SPAG16: variants seen among roughly 807,000 people sequenced by gnomAD.
SPAG16 encodes the protein sperm associated antigen 16.
Under a neutral mutation model 80.4 loss-of-function variants are expected in SPAG16, and 86 were observed. The ratio of observed to expected loss-of-function variants is 1.07; its 90% CI spans 0.90 to 1.28. The LOEUF (loss-of-function observed/expected upper bound fraction) is 1.28, where lower values mean the gene tolerates loss of function less well. Ranked by LOEUF, SPAG16 falls within the 50% of genes most tolerant of loss-of-function variation. The pLI is 0.00. For missense variants in SPAG16, 870 were observed against 765.3 expected (o/e 1.14, Z -1.61); for synonymous variants, 294 against 265.9 (o/e 1.11, Z -1.03).
intron 10 of SPAG16, among the ~76,000 whole-genome samples, chr2:213,734,396 GAT>G (rs1226525258): frequency 6.6e-6 from 1 of 152,148 alleles, no homozygotes; most frequent in Non-Finnish European, 1.5e-5. Context: ...GACATTTCTT[GAT>G]AGTCACTATA....
intron 15 of SPAG16, among the ~76,000 whole-genome samples, chr2:214,173,435 C>G (rs1264024701): frequency 6.6e-6 from 1 of 152,006 alleles, no homozygotes; most frequent in African/African-American, 2.4e-5. Flanking sequence ...TCTGAGGGCT[C>G]TGTTCTGTTC....
chr2:214,408,897 AT>A (rs1702146747), intron 15 of SPAG16, among the ~76,000 whole-genome samples: 1 of 152,048 alleles, frequency 6.6e-6, no homozygotes, highest in South Asian at 2.1e-4. Flanking sequence ...TAGAGGAGGC[AT>A]TTTTTACATA....
chr2:213,818,157 A>G (rs901980002), intron 10 of SPAG16, among the ~76,000 whole-genome samples: 15 of 152,112 alleles, frequency 9.9e-5, no homozygotes, highest in Admixed American at 7.9e-4. Context: ...TAGGAATCTC[A>G]TCAAATTAGC....
intron 10 of SPAG16, among the ~76,000 whole-genome samples, chr2:213,819,918 G>A (rs1434780532): frequency 2.7e-5 from 4 of 149,994 alleles, no homozygotes; most frequent in Admixed American, 1.3e-4. Flanking sequence ...CACCACACCC[G>A]GCTAATTTTT....
At chr2:214,031,159 C>A (rs552347090) in intron 13 of SPAG16, among the ~76,000 whole-genome samples, 15 of 151,922 alleles carry the variant, frequency 9.9e-5, no homozygotes, top group Admixed American at 2.0e-4. Context: ...ACAGACAGAA[C>A]CCTCAGCTGC....
intron 15 of SPAG16, among the ~76,000 whole-genome samples, chr2:214,389,879 G>T (rs1280163538): frequency 6.6e-6 from 1 of 152,092 alleles, no homozygotes; most frequent in East Asian, 1.9e-4. Context: ...TTCAGTTAGG[G>T]CATTAGTCTG....
chr2:213,840,548 G>GA (rs111594070), intron 10 of SPAG16, among the ~76,000 whole-genome samples: 11 of 151,220 alleles, frequency 7.3e-5, no homozygotes, highest in South Asian at 2.1e-4. Flanking sequence ...AGTTTGGGAA[G>GA]AAAAAAAAAT....
chr2:214,347,103 G>C (rs1164054099), intron 15 of SPAG16, among the ~76,000 whole-genome samples: 1 of 152,260 alleles, frequency 6.6e-6, no homozygotes, highest in Non-Finnish European at 1.5e-5. Flanking sequence ...ATTGGTAAAG[G>C]CTCAAAAGAA....
At chr2:213,984,958 AC>A (rs1255262971) in intron 12 of SPAG16, among the ~76,000 whole-genome samples, 2 of 152,040 alleles carry the variant, frequency 1.3e-5, no homozygotes, top group African/African-American at 4.8e-5. Flanking sequence ...TTCCCTGACT[AC>A]CTACTTAAGT....
intron 10 of SPAG16, among the ~76,000 whole-genome samples, chr2:213,560,715 T>A (rs537318936): frequency 6.6e-6 from 1 of 152,326 alleles, no homozygotes; most frequent in African/African-American, 2.4e-5. Flanking sequence ...TAAGAATTAC[T>A]TTTCTTTCCT....
intron 13 of SPAG16, among the ~76,000 whole-genome samples, chr2:214,074,601 G>A (rs1466323345): frequency 1.3e-5 from 2 of 151,764 alleles, no homozygotes; most frequent in Admixed American, 6.6e-5. Flanking sequence ...ATTCATTAAC[G>A]CCATTATGAA....
chr2:213,625,652 G>T (rs1418297081), intron 10 of SPAG16, among the ~76,000 whole-genome samples: 1 of 151,738 alleles, frequency 6.6e-6, no homozygotes, highest in African/African-American at 2.4e-5. Context: ...AAGTCTTTTT[G>T]TTGTTGTTAC....
At chr2:214,241,867 C>T (rs1049473559) in intron 15 of SPAG16, among the ~76,000 whole-genome samples, 1 of 148,772 alleles carries the variant, frequency 6.7e-6, no homozygotes, top group Admixed American at 6.8e-5. Context: ...CTTAAACTCT[C>T]ATGAGAGAAA....
At chr2:213,361,378 G>GTGTGTGTGTATA (rs753903147) in intron 7 of SPAG16, among the ~76,000 whole-genome samples, 1 of 147,036 alleles carries the variant, frequency 6.8e-6, no homozygotes, top group Admixed American at 6.9e-5. Context: ...GTGTGTGTGT[G>GTGTGTGTGTATA]TATATATATA....
intron 15 of SPAG16, among the ~76,000 whole-genome samples, chr2:214,166,381 G>A (rs2056656092): frequency 6.6e-6 from 1 of 152,164 alleles, no homozygotes; most frequent in African/African-American, 2.4e-5. Flanking sequence ...AGGGCAGGAA[G>A]AGAGGGAGAT....
intron 14 of SPAG16, among the ~76,000 whole-genome samples, chr2:214,108,605 C>A (rs1310015696): frequency 6.6e-6 from 1 of 151,950 alleles, no homozygotes; most frequent in Admixed American, 6.6e-5. Flanking sequence ...GGGCTATAGA[C>A]TGCATAAAAT....
At chr2:213,535,408 A>G (rs1412294300) in intron 10 of SPAG16, among the ~76,000 whole-genome samples, 1 of 152,138 alleles carries the variant, frequency 6.6e-6, no homozygotes, top group African/African-American at 2.4e-5. Context: ...AAAGACACAA[A>G]TTCAACTTCT....
Position 213,338,135 on chromosome 2 carries a change from G to T in SPAG16, c.537-2028G>T, listed in dbSNP as rs554597699. Among the ~76,000 whole-genome samples, 4 of 152,282 alleles carry T rather than the reference G, an allele frequency of 2.6e-5. No individual in the cohort carries two copies. The South Asian group carries it at 6.2e-4, about 24-fold the overall frequency. Reference sequence around the variant, plus strand: ...CAAACTCAGCTTCATAAGTGAAGGAGAAATAAAATCTTTTTCAGACAAGCA... The same window carrying T: ...CAAACTCAGCTTCATAAGTGAAGGATAAATAAAATCTTTTTCAGACAAGCA... On this transcript the variant is annotated intron_variant, in intron 5 of 15. Transcript: ENST00000331683.
intron 9 of SPAG16, among the ~76,000 whole-genome samples, chr2:213,418,680 A>T (rs759258652): frequency 6.6e-6 from 1 of 152,036 alleles, no homozygotes; most frequent in Non-Finnish European, 1.5e-5. Flanking sequence ...AATGTGTTTT[A>T]TTGTCTCCTG....
Sources: gnomAD v4.1 joint callset for allele counts (sites outside exome capture counted in the v4.1 genomes callset) on GRCh38, gnomAD v4.1.1 for gene constraint, MANE v1.5 for transcripts, NCBI Gene and HGNC (gene_info 2026-07-23, HGNC 2026-07-21) for gene names.